Variants in MAST4 observed in about 807,000 individuals in gnomAD.
The protein encoded by MAST4 is microtubule-associated serine/threonine-protein kinase 4.
MAST4 carries 89 observed loss-of-function variants against 162.7 expected under a neutral mutation model. That is an observed-to-expected ratio of 0.55 (90% CI 0.46 to 0.65). The LOEUF (loss-of-function observed/expected upper bound fraction) is 0.65. MAST4 is among the 30% of genes least tolerant of loss of function. The probability of loss-of-function intolerance (pLI) is 0.00; values close to 1 mark genes in which losing one functional copy is unlikely to be tolerated. For synonymous variants in MAST4, 1,479 were observed against 1,361.1 expected, an observed-to-expected ratio of 1.09 and a Z score of -1.91; for missense variants, 3,153 against 3,374.0, an observed-to-expected ratio of 0.93 and a Z score of 1.62.
chr5:66,814,154 T>C (rs1023457039), intron 3 of MAST4, among the ~76,000 whole-genome samples: 1 of 152,214 alleles, frequency 6.6e-6, no homozygotes, highest in Non-Finnish European at 1.5e-5. Flanking sequence ...GGGAAGGAGA[T>C]ATTTTTCAGT....
At chr5:66,614,953 A>G (rs1265749485) in intron 1 of MAST4, among the ~76,000 whole-genome samples, 1 of 152,102 alleles carries the variant, frequency 6.6e-6, no homozygotes, top group African/African-American at 2.4e-5. Context: ...GGGCTGTTAA[A>G]TCTGGGTCTT....
intron 2 of MAST4, among the ~76,000 whole-genome samples, chr5:66,763,021 A>C (rs1753922969): frequency 6.6e-6 from 1 of 152,208 alleles, no homozygotes; most frequent in African/African-American, 2.4e-5. Flanking sequence ...AATCCTTATA[A>C]CATCTGTGTG....
intron 1 of MAST4, among the ~76,000 whole-genome samples, chr5:66,619,241 A>G (rs1408739754): frequency 6.6e-6 from 1 of 152,170 alleles, no homozygotes; most frequent in African/African-American, 2.4e-5. Flanking sequence ...CTTTGAGCTC[A>G]AAACACATCA....
intron 3 of MAST4, among the ~76,000 whole-genome samples, chr5:66,879,314 A>G (rs1296145665): frequency 6.7e-6 from 1 of 149,064 alleles, no homozygotes; most frequent in Non-Finnish European, 1.5e-5. Context: ...GTACTGATAT[A>G]TATATATATA....
chr5:66,794,415 C>T lies in MAST4; in HGVS notation c.642+5621C>T, dbSNP rs1460274353. ...TAAATGAATGAACTCTTGTACAGTA[C>T]TTTGCATAGTGCCTGTCACTCAAGA... On this transcript the variant is annotated intron_variant, in intron 3 of 28. Coordinates refer to ENST00000403625, the MANE Select transcript of MAST4 (RefSeq NM_001164664.2). Among the ~76,000 whole-genome samples the T allele has an allele frequency of 2.0e-5, 3 of 152,172 alleles. No individual in the cohort carries two copies. In the East Asian group the frequency reaches 5.8e-4, roughly 29 times the overall value.
chr5:66,705,734 A>G (rs751609207), intron 1 of MAST4, among the ~76,000 whole-genome samples: 2 of 152,186 alleles, frequency 1.3e-5, no homozygotes, highest in Non-Finnish European at 2.9e-5. Flanking sequence ...CCATATATTC[A>G]TTTTGCTGTA....
chr5:66,626,681 T>G (rs1744452606), intron 1 of MAST4, among the ~76,000 whole-genome samples: 1 of 152,240 alleles, frequency 6.6e-6, no homozygotes, highest in South Asian at 2.1e-4. Context: ...TGCTTTAGTT[T>G]TACCTTTATC....
At chr5:66,882,275 T>A (rs2149910028) in intron 3 of MAST4, among the ~76,000 whole-genome samples, 1 of 152,278 alleles carries the variant, frequency 6.6e-6, no homozygotes, top group Middle Eastern at 3.4e-3. Flanking sequence ...GATTAATGAT[T>A]TTCATCAAAT....
intron 27 of MAST4, among the ~76,000 whole-genome samples, chr5:67,161,090 T>G (rs754804726): frequency 5.7e-4 from 87 of 152,260 alleles, no homozygotes; most frequent in Non-Finnish European, 1.1e-3. Context: ...TATATACTTT[T>G]GTAGCCTGGG....
chr5:66,994,049 A>C (rs1443636864), intron 4 of MAST4, among the ~76,000 whole-genome samples: 2 of 151,754 alleles, frequency 1.3e-5, no homozygotes, highest in Admixed American at 1.3e-4. Context: ...ACTTTGTTTC[A>C]TGGGAGAGTG....
intron 4 of MAST4, among the ~76,000 whole-genome samples, chr5:66,997,514 C>T (rs1442838075): frequency 6.6e-6 from 1 of 151,528 alleles, no homozygotes; most frequent in Non-Finnish European, 1.5e-5. Flanking sequence ...TCACTGCAAC[C>T]TCCATCTCTG....
intron 3 of MAST4, among the ~76,000 whole-genome samples, chr5:66,829,039 A>T (rs1757419057): frequency 1.3e-5 from 2 of 152,190 alleles, no homozygotes; most frequent in African/African-American, 2.4e-5. Context: ...TACAGGTATG[A>T]CACATCACAG....
In MAST4 at chr5:66,848,954, C is replaced by T. The variant is rs527855884; in HGVS notation, c.643-50997C>T. On this transcript the variant is annotated intron_variant, in intron 3 of 28. Coordinates refer to ENST00000403625, the MANE Select transcript of MAST4 (RefSeq NM_001164664.2). ...TTGCCTTTTATGCTGCGTTCCCCAG[C>T]GTTATGCTCTTCCTGCATCATGAGT... Among the ~76,000 whole-genome samples, 23 of 152,278 alleles carry T rather than the reference C, an allele frequency of 1.5e-4. No individual in the cohort carries two copies. In the East Asian group the frequency reaches 4.4e-3, roughly 29 times the overall value.
intron 1 of MAST4, among the ~76,000 whole-genome samples, chr5:66,731,306 T>C (rs992371263): frequency 6.6e-6 from 1 of 152,196 alleles, no homozygotes; most frequent in Non-Finnish European, 1.5e-5. Context: ...TGCCAGACGT[T>C]TGCATATAGA....
chr5:66,809,340 T>C (rs1371892514), intron 3 of MAST4, among the ~76,000 whole-genome samples: 1 of 152,210 alleles, frequency 6.6e-6, no homozygotes. Flanking sequence ...GCCTTAATGG[T>C]CACCCATGTC....
chr5:67,135,721 T>G (rs1270106183), intron 18 of MAST4, among the ~76,000 whole-genome samples: 1 of 152,236 alleles, frequency 6.6e-6, no homozygotes, highest in African/African-American at 2.4e-5. Context: ...GGGAATCAAC[T>G]GTTTAATTAA....
At chr5:66,930,344 G>A (rs1441372555) in intron 4 of MAST4, among the ~76,000 whole-genome samples, 3 of 152,158 alleles carry the variant, frequency 2.0e-5, no homozygotes, top group Admixed American at 2.0e-4. Flanking sequence ...GCTTTTTACT[G>A]TTGTTTCAGA....
Position 66,596,877 on chromosome 5 carries a change from C to T in MAST4, c.222C>T (p.Gly74=). Residue 74 remains glycine (G), a synonymous_variant, in exon 1 of 29, where the codon GGC becomes GGT. Coordinates refer to ENST00000403625, the MANE Select transcript of MAST4 (RefSeq NM_001164664.2). ...PPPPPLGGTL[G]ARAPAAWAPA... ...CGCCGCCGTTGGGAGGCACCCTGGG[C>T]GCCCGGGCGCCCGCCGCGTGGGCTC... is the stretch of plus-strand genomic sequence containing the variant. The T allele has an allele frequency of 7.7e-7, 1 of 1,293,326 alleles. No individual in the cohort carries two copies. The allele number at this position is 1,293,326 out of a possible 1,614,324, so 80.1% of individuals were successfully genotyped here.
intron 1 of MAST4, among the ~76,000 whole-genome samples, chr5:66,634,046 G>A (rs1425826942): frequency 2.0e-5 from 3 of 151,998 alleles, no homozygotes; most frequent in Non-Finnish European, 4.4e-5. Context: ...TAACTGGTTT[G>A]TTTTTTTCTT....
Sources: gnomAD v4.1 joint callset for allele counts (sites outside exome capture counted in the v4.1 genomes callset) on GRCh38, gnomAD v4.1.1 for gene constraint, MANE v1.5 for transcripts, NCBI Gene and HGNC (gene_info 2026-07-23, HGNC 2026-07-21) for gene names.